Variants in COL5A1 observed in about 807,000 individuals in gnomAD.
COL5A1 encodes collagen alpha-1(V) chain.
COL5A1 carries 16 observed loss-of-function variants against 263.7 expected under a neutral mutation model. The observed-to-expected ratio is 0.06, with a 90% CI of 0.04 to 0.09. The LOEUF is 0.09. Ranked by LOEUF, COL5A1 falls within the 10% of genes least tolerant of loss-of-function variation. COL5A1 has a pLI of 1.00. For synonymous variants in COL5A1, 1,012 were observed against 1,004.5 expected (o/e 1.01, Z -0.14); for missense variants, 2,036 against 2,540.5 (o/e 0.80, Z 4.27).
At chr9:134,654,553 G>C (rs1175557378) in intron 1 of COL5A1, among the ~76,000 whole-genome samples, 1 of 117,602 alleles carries the variant, frequency 8.5e-6, no homozygotes. Context: ...CTGGGTGTGT[G>C]TAGGGCTGGG....
chr9:134,788,131 T>G (rs1837530428), intron 31 of COL5A1, among the ~76,000 whole-genome samples: 1 of 136,072 alleles, frequency 7.3e-6, no homozygotes, highest in African/African-American at 2.8e-5. Context: ...GGTAGATACA[T>G]AGATGGATGG....
chr9:134,796,980 TTTC>T, intron 36 of COL5A1, 79 bp downstream of exon 36: 1 of 1,369,438 alleles, frequency 7.3e-7, no homozygotes. Context: ...ACCCGCCTGT[TTTC>T]TCTGAGGTCT....
At position 134,738,510 on chromosome 9, in the gene COL5A1, C is replaced by T; in HGVS notation, c.1426C>T (p.Pro476Ser). ...LIEGPPGPEG[P>S]AGLPGPPGTM... The stretch of plus-strand genomic sequence containing the variant: ...CGAGGGCCCGCCTGGCCCAGAAGGC[C>T]CCGCGGTGAGTATCCGGCTTTATCC... Residue 476 changes from proline (P) to serine (S), a missense_variant, in exon 10 of 66, where the codon CCC becomes TCC. Around this residue, in one of 3 missense-constraint regions of COL5A1, gnomAD observed 1,078 missense variants for 1,521.4 expected, o/e 0.71. Coordinates refer to ENST00000371817, the MANE Select transcript of COL5A1 (RefSeq NM_000093.5). The T allele has an allele frequency of 6.2e-7, 1 of 1,614,030 alleles. No individual in the cohort carries two copies. The highest frequency in any genetic ancestry group is 8.5e-7 in the Non-Finnish European group (1 of 1,180,034).
At chr9:134,830,807 C>T (rs930956143) in intron 64 of COL5A1, among the ~76,000 whole-genome samples, 2 of 152,230 alleles carry the variant, frequency 1.3e-5, no homozygotes, top group Non-Finnish European at 2.9e-5. Context: ...CGGTGTAGTG[C>T]CCAAGAGCCA....
chr9:134,700,176 G>A lies in COL5A1; in HGVS notation c.491+54G>A. The A allele has an allele frequency of 6.5e-7, 1 of 1,540,062 alleles. No homozygotes were observed. On this transcript the variant is annotated intron_variant, in intron 3 of 65. Transcript: ENST00000371817. The surrounding 1 kb of genome is among the most constrained non-coding windows in gnomAD (Gnocchi z 4.0). ...CCCTGCTGGAGGGGGGATCAGGCCA[G>A]CTCATACCACTGACCAGATGTGGGG...
chr9:134,692,382 C>T (rs929002952), intron 2 of COL5A1, among the ~76,000 whole-genome samples: 5 of 152,166 alleles, frequency 3.3e-5, no homozygotes, highest in East Asian at 1.9e-4. Context: ...TCTGGAGGAG[C>T]GTTCATAAGC....
At chr9:134,806,112 T>G (rs1189142423) in intron 41 of COL5A1, 77 bp from the exon 42 acceptor site, 1 of 1,074,128 alleles carries the variant, frequency 9.3e-7, no homozygotes, top group Non-Finnish European at 1.4e-6. Context: ...AGTGGAGTGA[T>G]CAGCTGGTGC....
chr9:134,823,525 G>T, intron 61 of COL5A1, 56 bp downstream of exon 61: 1 of 1,578,400 alleles, frequency 6.3e-7, no homozygotes. Context: ...AGCTCCGAGG[G>T]AATTGAGAAA....
chr9:134,824,963 C>A, intron 62 of COL5A1, 108 bp downstream of exon 62: 2 of 1,420,372 alleles, frequency 1.4e-6, no homozygotes, highest in Non-Finnish European at 9.4e-7. Context: ...AGGGACAGGA[C>A]GGGCAGCCGC....
Position 134,686,594 on chromosome 9 carries a change from C to G in COL5A1, c.110-4318C>G, listed in dbSNP as rs746178042. On this transcript the variant is annotated intron_variant, in intron 1 of 65. Transcript: ENST00000371817. This position sits in a 1 kb window ranked among gnomAD's most constrained non-coding sequence, Gnocchi z 4.6. ...CACCTCCCTTCTTCCTTAAAACTGACCTTGCTGGCGTCCATTCCTTTATAG... is the reference window on the plus strand; with the variant it reads ...CACCTCCCTTCTTCCTTAAAACTGAGCTTGCTGGCGTCCATTCCTTTATAG... Among the ~76,000 whole-genome samples the G allele has an allele frequency of 2.1e-4, 32 of 152,142 alleles. 1 individual carries two copies. Among genetic ancestry groups the G allele is most frequent in the Non-Finnish European group, 3.8e-4 (26 of 68,028 alleles).
At chr9:134,708,408 A>C in intron 4 of COL5A1, 1 of 398,212 alleles carries the variant, frequency 2.5e-6, no homozygotes, top group Non-Finnish European at 4.9e-6. Flanking sequence ...ATTGCGGCTC[A>C]GAGCAACTCC....
intron 31 of COL5A1, among the ~76,000 whole-genome samples, chr9:134,788,750 T>C (rs62571367): frequency 8.1e-4 from 121 of 149,696 alleles, no homozygotes; most frequent in African/African-American, 2.9e-3. Context: ...AACAAGTGGA[T>C]GGATGGGTGG....
At chr9:134,703,105 A>G (rs1833727411) in intron 4 of COL5A1, among the ~76,000 whole-genome samples, 1 of 152,230 alleles carries the variant, frequency 6.6e-6, no homozygotes. Context: ...GGCAGGGAGT[A>G]GGTGTGAAGG....
chr9:134,676,992 G>A (rs1323904833), intron 1 of COL5A1, among the ~76,000 whole-genome samples: 1 of 152,210 alleles, frequency 6.6e-6, no homozygotes, highest in African/African-American at 2.4e-5. Context: ...CTCACGGTCT[G>A]GGAAATAGCA....
rs150009669 is a variant in COL5A1 at position 134,797,446 on chromosome 9, G to T, written c.2898+545G>T. On this transcript the variant is annotated intron_variant, in intron 36 of 65. Transcript: ENST00000371817. ...CCCTGGCCACTGCCCCCATCTTCAC[G>T]TGGACTTCCGTCTGTGTCTCTCTGT... 3.5e-3 allele frequency among the ~76,000 whole-genome samples: 535 copies of T among 152,184 alleles called. 3 individuals carry two copies. The highest frequency in any genetic ancestry group is 0.012 in the African/African-American group (511 of 41,524).
chr9:134,677,033 G>A lies in COL5A1; in HGVS notation c.110-13879G>A, dbSNP rs1296847965. ...CTTGGAGCACCTGCTGCCAGTCCTG[G>A]GCTTGGGGAGGCCATGGAGTGCTCT... On this transcript the variant is annotated intron_variant, in intron 1 of 65. Transcript: ENST00000371817. This position sits in a 1 kb window ranked among gnomAD's most constrained non-coding sequence, Gnocchi z 4.4. 6.6e-6 allele frequency among the ~76,000 whole-genome samples: 1 copy of A among 152,156 alleles called. No homozygotes were observed. The highest frequency in any genetic ancestry group is 1.5e-5 in the Non-Finnish European group (1 of 68,034).
chr9:134,805,208 C>T lies in COL5A1; in HGVS notation c.3252C>T (p.Gly1084=), dbSNP rs1186906482. ...KGNEGPPGPP[G]PAGSPGERGP... ...ATGAAGGGCCCCCTGGCCCACCAGG[C>T]CCTGCGGTGAGTCAAAGCCTTTGTC... The change falls in exon 41 of 66, where the codon GGC becomes GGT. Residue 1084 remains glycine (G), a synonymous_variant. Coordinates refer to ENST00000371817, the MANE Select transcript of COL5A1 (RefSeq NM_000093.5). 3 of 1,613,948 alleles carry T rather than the reference C, an allele frequency of 1.9e-6. No homozygotes were observed. The East Asian group carries it at 6.7e-5, about 36-fold the overall frequency.
Position 134,824,890 on chromosome 9 carries a change from A to C in COL5A1, c.4954+35A>C, listed in dbSNP as rs575846273. Reference sequence around the variant, plus strand: ...TGGGGGGGCAGGGGTGGCCCCCCAAAGCGGGCATGGACCTGCAGGACACAT... The same window carrying C: ...TGGGGGGGCAGGGGTGGCCCCCCAACGCGGGCATGGACCTGCAGGACACAT... On this transcript the variant is annotated intron_variant, in intron 62 of 65. Transcript: ENST00000371817. The C allele has an allele frequency of 1.6e-5, 26 of 1,589,368 alleles. 1 individual carries two copies. The South Asian group carries it at 2.7e-4, about 16-fold the overall frequency.
rs146381563 is a variant in COL5A1 at position 134,817,908 on chromosome 9, G to T, written c.4230+77G>T. The stretch of plus-strand genomic sequence containing the variant: ...CCCAGAGGGTGGGGAGTGGACAAGC[G>T]TGTGGGCAGAGATGTCCATGGAGGC... On this transcript the variant is annotated intron_variant, in intron 54 of 65. Coordinates refer to ENST00000371817, the MANE Select transcript of COL5A1 (RefSeq NM_000093.5). 1.2e-4 allele frequency: 176 copies of T among 1,419,802 alleles called. 2 individuals carry two copies. The highest frequency in any genetic ancestry group is 1.2e-4 in the Non-Finnish European group (126 of 1,026,048). 88.0% of individuals were successfully genotyped at this position (1,419,802 alleles called of 1,614,324 possible).
Sources: allele counts gnomAD v4.1 joint callset (sites outside exome capture counted in the v4.1 genomes callset), GRCh38; gene constraint gnomAD v4.1.1; regional missense constraint gnomAD v4.1.1; non-coding constraint Gnocchi (gnomAD v3.1); transcripts MANE v1.5; gene names NCBI Gene and HGNC (gene_info 2026-07-23, HGNC 2026-07-21).